Variants in PRRC2C observed in about 807,000 individuals in gnomAD.
PRRC2C encodes the protein protein PRRC2C.
Under a neutral mutation model 317.2 loss-of-function variants are expected in PRRC2C, and 72 were observed. The ratio of observed to expected loss-of-function variants is 0.23; its 90% confidence interval spans 0.19 to 0.28. PRRC2C has a LOEUF of 0.28. PRRC2C is among the 10% of genes least tolerant of loss of function. The pLI is 1.00. For synonymous variants in PRRC2C, 1,296 were observed against 1,205.9 expected, an observed-to-expected ratio of 1.07 and a Z score of -1.55; for missense variants, 3,074 against 3,459.7, an observed-to-expected ratio of 0.89 and a Z score of 2.80.
At chr1:171,545,300 AC>A (rs1245821246) in intron 16 of PRRC2C, among the ~76,000 whole-genome samples, 178 bp from the exon 17 acceptor site, 1 of 151,986 alleles carries the variant, frequency 6.6e-6, no homozygotes, top group Non-Finnish European at 1.5e-5. Flanking sequence ...TTCTTGGGAA[AC>A]CCGGTTTTAG....
At chr1:171,486,017 A>T (rs1665979253) in intron 1 of PRRC2C, among the ~76,000 whole-genome samples, 1 of 151,502 alleles carries the variant, frequency 6.6e-6, no homozygotes, top group Non-Finnish European at 1.5e-5. Flanking sequence ...GCTCCCACCT[A>T]GACCCCAGTC....
intron 1 of PRRC2C, among the ~76,000 whole-genome samples, chr1:171,494,967 A>G (rs988766574): frequency 6.6e-6 from 1 of 152,196 alleles, no homozygotes; most frequent in African/African-American, 2.4e-5. Flanking sequence ...ACGTCATTTC[A>G]CAGCTCTTTG....
In PRRC2C at chr1:171,541,073, A is replaced by G; in HGVS notation, c.3607A>G (p.Arg1203Gly). 3 of 1,613,714 alleles carry G rather than the reference A, an allele frequency of 1.9e-6. No individual in the cohort carries two copies. Among genetic ancestry groups the G allele is most frequent in the Non-Finnish European group, 2.5e-6 (3 of 1,179,800 alleles). Reference protein sequence around the residue: ...GEYYSRGRSYRGSYGGRGRGG... With the variant: ...GEYYSRGRSYGGSYGGRGRGG... ...ATATTACTCCAGAGGTCGAAGCTAT[A>G]GAGGTTCTTATGGAGGGCGTGGCAG... The change falls in exon 16 of 35, where the codon AGA (arginine) becomes GGA (glycine). Residue 1203 changes from arginine (R) to glycine (G), a missense_variant. By Grantham distance (125) the Arg-to-Gly change is moderately radical. Coordinates refer to ENST00000647382, the MANE Select transcript of PRRC2C (RefSeq NM_001387844.1). This position sits in a 1 kb window ranked among gnomAD's most constrained non-coding sequence, Gnocchi z 4.1.
At chr1:171,502,976 G>C (rs1020336229) in intron 1 of PRRC2C, among the ~76,000 whole-genome samples, 1 of 152,116 alleles carries the variant, frequency 6.6e-6, no homozygotes, top group African/African-American at 2.4e-5. Context: ...GCCTGCCTTG[G>C]CCTCCCAAAG....
At chr1:171,533,694 G>T (rs963660987) in intron 12 of PRRC2C, among the ~76,000 whole-genome samples, 1 of 152,136 alleles carries the variant, frequency 6.6e-6, no homozygotes, top group African/African-American at 2.4e-5. Flanking sequence ...CGGAATCTCA[G>T]CTCACTGCAA....
chr1:171,500,664 T>G (rs889697856), intron 1 of PRRC2C, among the ~76,000 whole-genome samples: 1 of 152,204 alleles, frequency 6.6e-6, no homozygotes, highest in African/African-American at 2.4e-5. Flanking sequence ...AACGTCCTTT[T>G]GTTATCACTG....
At chr1:171,527,027 C>CT (rs1478541177) in intron 10 of PRRC2C, among the ~76,000 whole-genome samples, 1 of 150,408 alleles carries the variant, frequency 6.6e-6, no homozygotes, top group Non-Finnish European at 1.5e-5. Context: ...AGGCTGGTCT[C>CT]TAACTCCTGA....
chr1:171,501,422 C>T (rs1332674137), intron 1 of PRRC2C, among the ~76,000 whole-genome samples: 4 of 152,190 alleles, frequency 2.6e-5, no homozygotes, highest in Admixed American at 6.5e-5. Context: ...TGAGCCACCA[C>T]TCCCAGCTGA....
intron 17 of PRRC2C, among the ~76,000 whole-genome samples, 184 bp from the exon 18 acceptor site, chr1:171,549,902 C>A (rs1679872791): frequency 6.6e-6 from 1 of 151,456 alleles, no homozygotes; most frequent in Non-Finnish European, 1.5e-5. Context: ...AGTATGAAAT[C>A]TTTTCAGATC....
chr1:171,574,053 G>A (rs1028686447), intron 24 of PRRC2C, among the ~76,000 whole-genome samples: 2 of 151,922 alleles, frequency 1.3e-5, no homozygotes, highest in Non-Finnish European at 2.9e-5. Flanking sequence ...GTTCCTAACA[G>A]TGATATTAAA....
chr1:171,589,443 G>A lies in PRRC2C; in HGVS notation c.8274G>A (p.Gln2758=). Residue 2758 remains glutamine (Q), a synonymous_variant, in exon 34 of 35, where the codon CAG becomes CAA. Coordinates refer to ENST00000647382, the MANE Select transcript of PRRC2C (RefSeq NM_001387844.1). ...PHTNTFPAPV[Q]RPPMALASQM... ...CTAACACCTTCCCAGCGCCTGTTCAGAGGCCACCAATGGCACTGGCCAGTC... is the reference window on the plus strand; with the variant it reads ...CTAACACCTTCCCAGCGCCTGTTCAAAGGCCACCAATGGCACTGGCCAGTC... The A allele has an allele frequency of 7.8e-7, 1 of 1,289,198 alleles. No homozygotes were observed. Among genetic ancestry groups the A allele is most frequent in the Non-Finnish European group, 1.0e-6 (1 of 988,810 alleles). The allele number at this position is 1,289,198 out of a possible 1,614,324, so 79.9% of individuals were successfully genotyped here. A position where few individuals can be genotyped will look rare whatever the true frequency, so the allele number is the denominator to read the frequency against.
At chr1:171,501,101 G>A (rs1025736997) in intron 1 of PRRC2C, among the ~76,000 whole-genome samples, 31 of 151,850 alleles carry the variant, frequency 2.0e-4, no homozygotes, top group African/African-American at 6.5e-4. Context: ...TCTCACTACC[G>A]GTTCAGTCTG....
chr1:171,540,596 G>A lies in PRRC2C; in HGVS notation c.3130G>A (p.Val1044Ile), dbSNP rs1327735139. Residue 1044 changes from valine to isoleucine, a missense_variant, in exon 16 of 35, where the codon GTC becomes ATC. Coordinates refer to ENST00000647382, the MANE Select transcript of PRRC2C (RefSeq NM_001387844.1). ...GAAAGAAGGAGAAAAGGCCGAAAAGGTCACTGAAAAAGTAGTTGTAAAGCC... is the reference window on the plus strand; with the variant it reads ...GAAAGAAGGAGAAAAGGCCGAAAAGATCACTGAAAAAGTAGTTGTAAAGCC... ...KEKEGEKAEK[V>I]TEKVVVKPEK... 7.4e-6 allele frequency: 12 copies of A among 1,613,734 alleles called. No homozygotes were observed. The Admixed American group carries it at 1.8e-4, about 25-fold the overall frequency.
intron 18 of PRRC2C, among the ~76,000 whole-genome samples, 179 bp downstream of exon 18, chr1:171,550,419 A>G (rs538611574): frequency 2.8e-4 from 42 of 152,224 alleles, no homozygotes; most frequent in Non-Finnish European, 5.1e-4. Flanking sequence ...TTTAAATAAA[A>G]TATAAGGACT....
chr1:171,571,636 T>C (rs991432845), intron 24 of PRRC2C, among the ~76,000 whole-genome samples: 3 of 152,212 alleles, frequency 2.0e-5, no homozygotes, highest in African/African-American at 7.2e-5. Context: ...GTGAGGCCTA[T>C]TATGCTTGTG....
intron 3 of PRRC2C, 189 bp downstream of exon 3, chr1:171,513,361 G>A: frequency 1.4e-6 from 1 of 736,134 alleles, no homozygotes; most frequent in Non-Finnish European, 2.3e-6. Context: ...CAATTTGTCA[G>A]GGTAGAACAG....
chr1:171,545,394 A>G (rs991437308), intron 16 of PRRC2C, 85 bp from the exon 17 acceptor site: 3 of 1,145,490 alleles, frequency 2.6e-6, no homozygotes, highest in African/African-American at 1.6e-5. Context: ...TCATCTTAGA[A>G]TGAACTTTAG....
At chr1:171,536,625 GTTC>G (rs1361191023) in intron 14 of PRRC2C, among the ~76,000 whole-genome samples, 3 of 152,160 alleles carry the variant, frequency 2.0e-5, no homozygotes, top group East Asian at 1.9e-4. Flanking sequence ...TCCTTTTCAA[GTTC>G]TTCTTCCATC....
intron 28 of PRRC2C, among the ~76,000 whole-genome samples, chr1:171,581,310 C>G (rs542485109): frequency 1.3e-5 from 2 of 152,324 alleles, no homozygotes; most frequent in East Asian, 1.9e-4. Context: ...ACAAGCCAGT[C>G]TCCTTTTAAA....
Sources: allele counts gnomAD v4.1 joint callset (sites outside exome capture counted in the v4.1 genomes callset), GRCh38; gene constraint gnomAD v4.1.1; non-coding constraint Gnocchi (gnomAD v3.1); transcripts MANE v1.5; gene names NCBI Gene and HGNC (gene_info 2026-07-23, HGNC 2026-07-21).